Variants in LUZP2 observed in about 807,000 individuals in gnomAD.
LUZP2 encodes the protein leucine zipper protein 2.
In LUZP2, 52 loss-of-function variants were observed where a neutral mutation model predicts 51.6. That is an observed-to-expected ratio of 1.01 (90% CI 0.81 to 1.27). The LOEUF is 1.27. LUZP2 is among the 50% of genes most tolerant of loss of function. The probability of loss-of-function intolerance (pLI) is 0.00; values close to 1 mark genes in which losing one functional copy is unlikely to be tolerated. For synonymous variants in LUZP2, 154 were observed against 137.3 expected, an observed-to-expected ratio of 1.12 and a Z score of -0.85; for missense variants, 436 against 395.4, an observed-to-expected ratio of 1.10 and a Z score of -0.87.
At chr11:24,635,044 G>T (rs1855034508) in intron 1 of LUZP2, among the ~76,000 whole-genome samples, 1 of 151,938 alleles carries the variant, frequency 6.6e-6, no homozygotes, top group South Asian at 2.1e-4. Context: ...AGGAAGCGTG[G>T]GATGGGGGTG....
At chr11:25,064,423 A>G (rs968618436) in intron 10 of LUZP2, among the ~76,000 whole-genome samples, 5 of 152,042 alleles carry the variant, frequency 3.3e-5, no homozygotes, top group African/African-American at 1.2e-4. Flanking sequence ...GATGACTCTT[A>G]AAAAACATGA....
intron 5 of LUZP2, among the ~76,000 whole-genome samples, chr11:24,834,442 G>T (rs1253692589): frequency 6.6e-6 from 1 of 152,166 alleles, no homozygotes; most frequent in Non-Finnish European, 1.5e-5. Flanking sequence ...TTTTATGCCT[G>T]CATAGTATTC....
intron 5 of LUZP2, among the ~76,000 whole-genome samples, chr11:24,789,382 T>C (rs1423109531): frequency 2.0e-5 from 3 of 152,192 alleles, no homozygotes; most frequent in African/African-American, 7.2e-5. Context: ...ATTCCCTTCA[T>C]TACTTAAGTA....
chr11:24,672,715 T>C (rs1210599881), intron 1 of LUZP2, among the ~76,000 whole-genome samples: 4 of 152,242 alleles, frequency 2.6e-5, no homozygotes, highest in Non-Finnish European at 5.9e-5. Flanking sequence ...TACACACACC[T>C]AGAAGGTATA....
intron 9 of LUZP2, among the ~76,000 whole-genome samples, chr11:25,013,156 G>A (rs1430965428): frequency 6.6e-6 from 1 of 152,116 alleles, no homozygotes; most frequent in South Asian, 2.1e-4. Context: ...TCCCTTATAT[G>A]TGGGAGCTAA....
chr11:24,926,439 G>A (rs1305394115), intron 7 of LUZP2, among the ~76,000 whole-genome samples: 3 of 136,320 alleles, frequency 2.2e-5, no homozygotes, highest in African/African-American at 8.0e-5. Flanking sequence ...ATATATATAC[G>A]TGTATATATG....
intron 1 of LUZP2, among the ~76,000 whole-genome samples, chr11:24,727,150 G>A (rs1042861174): frequency 6.6e-6 from 1 of 152,026 alleles, no homozygotes; most frequent in Non-Finnish European, 1.5e-5. Flanking sequence ...AATGTTATTT[G>A]TAATTTAATT....
chr11:24,719,043 A>G (rs868273453), intron 1 of LUZP2, among the ~76,000 whole-genome samples: 1 of 152,224 alleles, frequency 6.6e-6, no homozygotes, highest in Non-Finnish European at 1.5e-5. Flanking sequence ...ACAAAGGAAA[A>G]TGAAGGAGAC....
intron 4 of LUZP2, among the ~76,000 whole-genome samples, chr11:24,760,640 T>C (rs12284066): frequency 0.21 from 31,230 of 152,080 alleles, 4,072 homozygotes; most frequent in African/African-American, 0.36. Flanking sequence ...AATGGTAATG[T>C]CTGGAAACTT....
chr11:24,778,741 C>T (rs551080256), intron 5 of LUZP2, among the ~76,000 whole-genome samples: 2 of 152,276 alleles, frequency 1.3e-5, no homozygotes, highest in South Asian at 4.1e-4. Flanking sequence ...GCATTTAAGA[C>T]TTATTTGCTG....
chr11:24,636,742 A>G (rs3942727), intron 1 of LUZP2, among the ~76,000 whole-genome samples: 68,663 of 151,936 alleles, frequency 0.45, 16,610 homozygotes, highest in African/African-American at 0.64. Context: ...CTTTCCTATC[A>G]CCCTTCAAAT....
chr11:24,512,581 A>T (rs1485355969), intron 1 of LUZP2, among the ~76,000 whole-genome samples: 2 of 152,156 alleles, frequency 1.3e-5, no homozygotes, highest in African/African-American at 4.8e-5. Context: ...TTTATTTCAA[A>T]TATCTAAATC....
chr11:24,741,173 T>C (rs1306869001), intron 4 of LUZP2, among the ~76,000 whole-genome samples: 1 of 152,074 alleles, frequency 6.6e-6, no homozygotes, highest in African/African-American at 2.4e-5. Context: ...TACTGCTGCA[T>C]AGATTTTCAA....
chr11:24,542,067 T>A (rs1851384278), intron 1 of LUZP2, among the ~76,000 whole-genome samples: 1 of 152,080 alleles, frequency 6.6e-6, no homozygotes, highest in Admixed American at 6.6e-5. Context: ...AAGTCAGATG[T>A]CCATGCCAAA....
chr11:24,596,683 T>A (rs1238754704), intron 1 of LUZP2, among the ~76,000 whole-genome samples: 1 of 152,178 alleles, frequency 6.6e-6, no homozygotes, highest in Non-Finnish European at 1.5e-5. Flanking sequence ...TCTAATTCTG[T>A]GTTAATCAAA....
In LUZP2 at chr11:24,699,408, C is replaced by T. The variant is rs187897859; in HGVS notation, c.63-29761C>T. On this transcript the variant is annotated intron_variant, in intron 1 of 11. Transcript: ENST00000336930. ...TTTCATGAACTTTTTGAAGTTCCTT[C>T]ATATTTGAAATACATTTTGGAATTA... Among the ~76,000 whole-genome samples, 480 of 152,034 alleles carry T rather than the reference C, an allele frequency of 3.2e-3. 4 individuals carry two copies. The highest frequency in any genetic ancestry group is 9.9e-3 in the African/African-American group (412 of 41,464).
chr11:24,918,430 G>A (rs899758812), intron 7 of LUZP2, among the ~76,000 whole-genome samples: 6 of 151,962 alleles, frequency 3.9e-5, no homozygotes, highest in Non-Finnish European at 7.4e-5. Flanking sequence ...CAAAGGGAAT[G>A]CTTCCAGTTT....
intron 5 of LUZP2, among the ~76,000 whole-genome samples, chr11:24,798,512 T>G (rs1849609083): frequency 6.6e-6 from 1 of 152,204 alleles, no homozygotes; most frequent in South Asian, 2.1e-4. Context: ...TAGTTTAATT[T>G]GAAAAACTAA....
At chr11:24,795,156 A>G (rs570230279) in intron 5 of LUZP2, among the ~76,000 whole-genome samples, 2 of 152,294 alleles carry the variant, frequency 1.3e-5, no homozygotes, top group African/African-American at 4.8e-5. Flanking sequence ...TATGGACAAT[A>G]TACATGGTTT....
Sources: gnomAD v4.1 joint callset for allele counts (sites outside exome capture counted in the v4.1 genomes callset) on GRCh38, gnomAD v4.1.1 for gene constraint, MANE v1.5 for transcripts, NCBI Gene and HGNC (gene_info 2026-07-23, HGNC 2026-07-21) for gene names.